SLC25A21: variants seen among roughly 807,000 people sequenced by gnomAD.
SLC25A21 encodes mitochondrial 2-oxodicarboxylate carrier.
In SLC25A21, 47 loss-of-function variants were observed where a neutral mutation model predicts 43.8. The ratio of observed to expected loss-of-function variants is 1.07; its 90% CI spans 0.85 to 1.37. The LOEUF is 1.37. Ranked by LOEUF, SLC25A21 falls within the 40% of genes most tolerant of loss-of-function variation. The pLI is 0.00. For missense variants in SLC25A21, 352 were observed against 350.2 expected, an observed-to-expected ratio of 1.00 and a Z score of -0.04; for synonymous variants, 131 against 121.3, an observed-to-expected ratio of 1.08 and a Z score of -0.52.
intron 1 of SLC25A21, among the ~76,000 whole-genome samples, chr14:36,905,716 G>A (rs2138604577): frequency 6.6e-6 from 1 of 152,170 alleles, no homozygotes; most frequent in East Asian, 1.9e-4. Context: ...AGATAGGCTA[G>A]CAACATAAAA....
At chr14:36,763,402 G>C (rs1886239158) in intron 3 of SLC25A21, among the ~76,000 whole-genome samples, 1 of 152,168 alleles carries the variant, frequency 6.6e-6, no homozygotes, top group Non-Finnish European at 1.5e-5. Flanking sequence ...CTTTTTCCCT[G>C]TCCTTGTGGG....
rs916049496 is a variant in SLC25A21, at chr14:37,169,245, C to T, written c.70+3036G>A. Among the ~76,000 whole-genome samples the T allele has an allele frequency of 4.6e-5, 7 of 152,064 alleles. No individual in the cohort carries two copies. The South Asian group carries it at 8.3e-4, about 18-fold the overall frequency. ...GTATAACTAATAAACTATCTGACTGCATTTGGGCCTGCTTACTCCTTACTA... is the reference window on the plus strand; with the variant it reads ...GTATAACTAATAAACTATCTGACTGTATTTGGGCCTGCTTACTCCTTACTA... On this transcript the variant is annotated intron_variant, in intron 1 of 9. Coordinates refer to ENST00000331299, the MANE Select transcript of SLC25A21 (RefSeq NM_030631.4).
chr14:36,783,252 C>G (rs1358074284), intron 3 of SLC25A21, among the ~76,000 whole-genome samples: 1 of 147,360 alleles, frequency 6.8e-6, no homozygotes, highest in Non-Finnish European at 1.5e-5. Flanking sequence ...GAGCCAGCTA[C>G]AGGGTTGGGG....
intron 2 of SLC25A21, among the ~76,000 whole-genome samples, chr14:36,834,367 C>A (rs1001311470): frequency 6.6e-6 from 1 of 152,136 alleles, no homozygotes; most frequent in Non-Finnish European, 1.5e-5. Flanking sequence ...GTCAGACAGA[C>A]CTGGGTTCAA....
chr14:37,112,794 GA>G (rs1477398120), intron 1 of SLC25A21, among the ~76,000 whole-genome samples: 1 of 152,064 alleles, frequency 6.6e-6, no homozygotes, highest in African/African-American at 2.4e-5. Flanking sequence ...GGAAAGAAGG[GA>G]AAAACAGAAG....
At chr14:36,905,906 A>G (rs550108065) in intron 1 of SLC25A21, among the ~76,000 whole-genome samples, 2 of 152,306 alleles carry the variant, frequency 1.3e-5, no homozygotes, top group South Asian at 4.1e-4. Context: ...GGGAAGGGAT[A>G]TTCAGGGTGT....
At chr14:36,785,075 T>C (rs970977872) in intron 3 of SLC25A21, among the ~76,000 whole-genome samples, 18 of 152,156 alleles carry the variant, frequency 1.2e-4, no homozygotes, top group African/African-American at 4.3e-4. Flanking sequence ...CAGTCCAACA[T>C]CATGTCATAA....
At chr14:36,767,886 G>A (rs1886473305) in intron 3 of SLC25A21, among the ~76,000 whole-genome samples, 1 of 152,182 alleles carries the variant, frequency 6.6e-6, no homozygotes, top group African/African-American at 2.4e-5. Flanking sequence ...CAGTGAGGAG[G>A]TGGCAAAACA....
intron 1 of SLC25A21, among the ~76,000 whole-genome samples, chr14:37,039,481 T>A (rs1961398474): frequency 6.6e-6 from 1 of 152,216 alleles, no homozygotes; most frequent in Admixed American, 6.5e-5. Flanking sequence ...AAATTAATTT[T>A]CATTTCCCTA....
intron 1 of SLC25A21, among the ~76,000 whole-genome samples, chr14:36,988,344 C>T (rs544613739): frequency 3.3e-5 from 5 of 152,210 alleles, no homozygotes; most frequent in East Asian, 3.9e-4. Flanking sequence ...AAACAGGGTA[C>T]GTGTCTTCAA....
intron 1 of SLC25A21, among the ~76,000 whole-genome samples, chr14:37,070,611 C>A (rs1298614524): frequency 6.6e-6 from 1 of 152,082 alleles, no homozygotes; most frequent in Non-Finnish European, 1.5e-5. Flanking sequence ...TTCTTTTGTT[C>A]ATGTTAGTTA....
chr14:37,015,798 G>A (rs1960841123), intron 1 of SLC25A21, among the ~76,000 whole-genome samples: 3 of 152,120 alleles, frequency 2.0e-5, no homozygotes, highest in South Asian at 4.1e-4. Flanking sequence ...GCCAGTGACG[G>A]TGAGCATTTT....
intron 1 of SLC25A21, among the ~76,000 whole-genome samples, chr14:36,945,393 T>C (rs1430274779): frequency 6.6e-6 from 1 of 152,062 alleles, no homozygotes. Context: ...AAGCAGAGAC[T>C]TGAAGAGATA....
chr14:36,752,625 C>A (rs1478398150), intron 3 of SLC25A21, among the ~76,000 whole-genome samples: 1 of 152,136 alleles, frequency 6.6e-6, no homozygotes, highest in Non-Finnish European at 1.5e-5. Context: ...ATAAGCCAGA[C>A]ACAAAAAGAC....
At chr14:36,879,128 C>T (rs1427267329) in intron 1 of SLC25A21, among the ~76,000 whole-genome samples, 10 of 152,142 alleles carry the variant, frequency 6.6e-5, no homozygotes, top group Admixed American at 6.6e-4. Context: ...GTCTTCAAGT[C>T]ATGCTTAATT....
At chr14:36,758,830 GA>G (rs754982579) in intron 3 of SLC25A21, among the ~76,000 whole-genome samples, 2 of 152,158 alleles carry the variant, frequency 1.3e-5, no homozygotes, top group Non-Finnish European at 2.9e-5. Flanking sequence ...AAAAACTCCT[GA>G]AGAGAGCAGC....
At chr14:37,056,496 A>T (rs1298722595) in intron 1 of SLC25A21, among the ~76,000 whole-genome samples, 2 of 151,996 alleles carry the variant, frequency 1.3e-5, no homozygotes, top group African/African-American at 4.8e-5. Context: ...CTCAAAAAAA[A>T]AAAAAAAAAT....
intron 1 of SLC25A21, among the ~76,000 whole-genome samples, chr14:37,065,817 A>G (rs1237316267): frequency 6.6e-6 from 1 of 152,236 alleles, no homozygotes; most frequent in Non-Finnish European, 1.5e-5. Context: ...AAAAAGTGGG[A>G]TAAAATTTAA....
intron 1 of SLC25A21, among the ~76,000 whole-genome samples, chr14:37,013,598 C>G (rs1960780223): frequency 6.6e-6 from 1 of 152,148 alleles, no homozygotes; most frequent in African/African-American, 2.4e-5. Flanking sequence ...AAAACTACAC[C>G]TAATATTTTG....
Sources: allele counts gnomAD v4.1 joint callset (sites outside exome capture counted in the v4.1 genomes callset), GRCh38; gene constraint gnomAD v4.1.1; transcripts MANE v1.5; gene names NCBI Gene and HGNC (gene_info 2026-07-23, HGNC 2026-07-21).